TYW5: variants seen among roughly 807,000 people sequenced by gnomAD.
The protein encoded by TYW5 is tRNA wybutosine-synthesizing protein 5.
In TYW5, 36 loss-of-function variants were observed where a neutral mutation model predicts 44.4. That is an observed-to-expected ratio of 0.81 (90% CI 0.62 to 1.07). The LOEUF (loss-of-function observed/expected upper bound fraction) is 1.07. Among genes scored for constraint, TYW5 ranks in the 50% least tolerant of loss-of-function variants. The pLI is 0.00. For missense variants in TYW5, 354 were observed against 365.7 expected, an observed-to-expected ratio of 0.97 and a Z score of 0.26; for synonymous variants, 121 against 128.1, an observed-to-expected ratio of 0.94 and a Z score of 0.37.
At chr2:199,934,745 A>G (rs2077406028) in intron 7 of TYW5, among the ~76,000 whole-genome samples, 1 of 152,072 alleles carries the variant, frequency 6.6e-6, no homozygotes, top group Non-Finnish European at 1.5e-5. Flanking sequence ...AGAATTTGTT[A>G]ATATATCCCT....
Position 199,930,407 on chromosome 2 carries a change from C to T in TYW5, c.*2660G>A, listed in dbSNP as rs1016811326. The T allele has an allele frequency of 6.6e-6, 1 of 152,156 alleles. No individual in the cohort carries two copies. The highest frequency in any genetic ancestry group is 2.4e-5 in the African/African-American group (1 of 41,430). The allele number at this position is 152,156 out of a possible 1,614,324, so 9.4% of individuals were successfully genotyped here. ...TATGCATATGCAAATAAGATGTTCA[C>T]ACACCACATACCTTGTTTTACACAA... On this transcript the variant is annotated 3_prime_UTR_variant, in exon 8 of 8. Transcript: ENST00000354611.
Position 199,935,965 on chromosome 2 carries a change from A to T in TYW5, c.657T>A (p.Cys219Ter). The change falls in exon 7 of 8, where the codon TGT (cysteine) becomes TGA (stop). Residue 219 changes from cysteine (C) to a stop codon, truncating the protein, a stop_gained. Coordinates refer to ENST00000354611, the MANE Select transcript of TYW5 (RefSeq NM_001039693.3). LOFTEE classifies it high-confidence loss of function. ...PLFSKARRYE[C>*]SLEAGDVLFI... ...ATAATACATCACCAGCTTCAAGGGA[A>T]CATTCATATCTTCTAGCCTTGGAAA... The T allele has an allele frequency of 6.2e-7, 1 of 1,612,734 alleles. No homozygotes were observed. The highest frequency in any genetic ancestry group is 8.5e-7 in the Non-Finnish European group (1 of 1,179,030).
chr2:199,948,448 T>C lies in TYW5; in HGVS notation c.103A>G (p.Ile35Val). 1 of 1,613,884 alleles carries C rather than the reference T, an allele frequency of 6.2e-7. No homozygotes were observed. Among genetic ancestry groups the C allele is most frequent in the African/African-American group, 1.3e-5 (1 of 74,954 alleles). Residue 35 changes from isoleucine to valine, a missense_variant, in exon 2 of 8, where the codon ATT (isoleucine) becomes GTT (valine). Ile to Val is a conservative substitution (Grantham distance 29). Coordinates refer to ENST00000354611, the MANE Select transcript of TYW5 (RefSeq NM_001039693.3). ...PQRKPLVLEG[I>V]DLGPCTSKWT... Reference sequence around the variant, plus strand: ...TTGCTTGTACATGGCCCCAAATCAATCCCTTCCAACACAAGAGGTTTTCTC... The same window carrying C: ...TTGCTTGTACATGGCCCCAAATCAACCCCTTCCAACACAAGAGGTTTTCTC...
chr2:199,940,250 A>G, intron 3 of TYW5, 117 bp from the exon 4 acceptor site: 2 of 889,450 alleles, frequency 2.2e-6, no homozygotes, highest in South Asian at 1.9e-5. Context: ...AAAAAGAATT[A>G]TGTACTGAGA....
At chr2:199,934,659 TTTAC>T (rs766778929) in intron 7 of TYW5, among the ~76,000 whole-genome samples, 44 of 152,084 alleles carry the variant, frequency 2.9e-4, no homozygotes, top group Non-Finnish European at 4.9e-4. Flanking sequence ...TTTATTAATA[TTTAC>T]TTATTTTTAT....
chr2:199,941,985 C>T (rs1262339862), intron 3 of TYW5: 1 of 152,254 alleles, frequency 6.6e-6, no homozygotes, highest in African/African-American at 2.4e-5. Flanking sequence ...TACATGTCTT[C>T]CCCTATCCAA....
chr2:199,936,371 C>A, intron 6 of TYW5, 34 bp downstream of exon 6: 1 of 1,556,868 alleles, frequency 6.4e-7, no homozygotes, highest in South Asian at 1.1e-5. Context: ...ACTGAATAGA[C>A]TTTTGAAATA....
intron 5 of TYW5, among the ~76,000 whole-genome samples, chr2:199,938,366 T>C (rs2077438265): frequency 6.6e-6 from 1 of 152,136 alleles, no homozygotes. Context: ...GCCCAGCAGA[T>C]CAAGATCAAT....
At chr2:199,952,378 T>G (rs1427886101) in intron 1 of TYW5, among the ~76,000 whole-genome samples, 4 of 152,176 alleles carry the variant, frequency 2.6e-5, no homozygotes, top group African/African-American at 4.8e-5. Context: ...CTTTTTAAAT[T>G]TTTGCCAATA....
intron 5 of TYW5, 93 bp from the exon 6 acceptor site, chr2:199,936,585 C>T (rs966005131): frequency 9.1e-6 from 9 of 990,292 alleles, no homozygotes; most frequent in Non-Finnish European, 1.4e-5. Context: ...AAACCCGATC[C>T]TTTAATGAGA....
At chr2:199,954,012 T>C (rs1243586443) in intron 1 of TYW5, among the ~76,000 whole-genome samples, 6 of 152,140 alleles carry the variant, frequency 3.9e-5, no homozygotes, top group African/African-American at 1.4e-4. Context: ...ACAACCCATC[T>C]AGTACAAGTC....
Position 199,939,020 on chromosome 2 carries a change from C to T in TYW5, c.399G>A (p.Lys133=). The T allele has an allele frequency of 6.2e-7, 1 of 1,613,368 alleles. No homozygotes were observed. Among genetic ancestry groups the T allele is most frequent in the South Asian group, 1.1e-5 (1 of 90,986 alleles). ...GTTCCTCTTTGAAGAATTCTGGAAA[C>T]TTAATATCTCCTTTCAACAAAGGAA... ...KQFPLLKGDI[K]FPEFFKEEQF... is the part of the protein sequence containing the mutation. Residue 133 remains lysine (K), a synonymous_variant, in exon 5 of 8, where the codon AAG becomes AAA. Coordinates refer to ENST00000354611, the MANE Select transcript of TYW5 (RefSeq NM_001039693.3).
chr2:199,929,258 G>C lies in TYW5; in HGVS notation c.*3809C>G, dbSNP rs934763851. 6.6e-6 allele frequency among the ~76,000 whole-genome samples: 1 copy of C among 152,124 alleles called. No homozygotes were observed. Among genetic ancestry groups the C allele is most frequent in the African/African-American group, 2.4e-5 (1 of 41,428 alleles). ...TGTAAATGACGAGTTAACGGGTGCA[G>C]CACACCAACATGGCACATGTATACA... is the stretch of plus-strand genomic sequence containing the variant. On this transcript the variant is annotated 3_prime_UTR_variant, in exon 8 of 8. Transcript: ENST00000354611.
chr2:199,939,891 A>G (rs934125934), intron 4 of TYW5, among the ~76,000 whole-genome samples, 198 bp downstream of exon 4: 10 of 152,212 alleles, frequency 6.6e-5, no homozygotes, highest in African/African-American at 2.4e-4. Context: ...CTAAGATTCT[A>G]CAGGCCTACC....
rs908939792 is a variant in TYW5, at chr2:199,930,224, A to G, written c.*2843T>C. ...ACTCCTGAGTTCAGATGATCCACCC[A>G]CCTCGGTGCATATAGTATTTTTAAA... On this transcript the variant is annotated 3_prime_UTR_variant, in exon 8 of 8. Coordinates refer to ENST00000354611, the MANE Select transcript of TYW5 (RefSeq NM_001039693.3). The G allele has an allele frequency of 1.3e-5, 2 of 152,000 alleles. No individual in the cohort carries two copies. Among genetic ancestry groups the G allele is most frequent in the African/African-American group, 2.4e-5 (1 of 41,370 alleles). 9.4% of individuals were successfully genotyped at this position (152,000 alleles called of 1,614,324 possible).
chr2:199,948,242 T>C, intron 2 of TYW5, 76 bp downstream of exon 2: 1 of 1,482,236 alleles, frequency 6.7e-7, no homozygotes, highest in Non-Finnish European at 9.3e-7. Flanking sequence ...ATGGTCTTTG[T>C]ATAATAATGC....
intron 1 of TYW5, among the ~76,000 whole-genome samples, chr2:199,949,530 T>G (rs2077528892): frequency 6.6e-6 from 1 of 152,238 alleles, no homozygotes; most frequent in Admixed American, 6.5e-5. Context: ...TATGTCTCTT[T>G]TAATCTGAAA....
At chr2:199,943,399 C>A in intron 3 of TYW5, 1 of 165,406 alleles carries the variant, frequency 6.0e-6, no homozygotes, top group Non-Finnish European at 1.3e-5. Flanking sequence ...GTTGGCATAT[C>A]AGACCAAAGC....
chr2:199,951,048 A>G (rs2077540964), intron 1 of TYW5, among the ~76,000 whole-genome samples: 1 of 152,226 alleles, frequency 6.6e-6, no homozygotes, highest in Non-Finnish European at 1.5e-5. Flanking sequence ...TACTTTTATT[A>G]ATCCTTCTTA....
Sources: gnomAD v4.1 joint callset for allele counts (sites outside exome capture counted in the v4.1 genomes callset) on GRCh38, gnomAD v4.1.1 for gene constraint, MANE v1.5 for transcripts, NCBI Gene and HGNC (gene_info 2026-07-23, HGNC 2026-07-21) for gene names.